Variants in FAT3 observed in about 807,000 individuals in gnomAD.
The protein encoded by FAT3 is FAT atypical cadherin 3, also known as protocadherin Fat 3.
In FAT3, 95 loss-of-function variants were observed where a neutral mutation model predicts 310.2. The ratio of observed to expected loss-of-function variants is 0.31; its 90% CI spans 0.26 to 0.36. The LOEUF is 0.36. Among genes scored for constraint, FAT3 ranks in the 10% least tolerant of loss-of-function variants. The pLI, the probability that FAT3 is intolerant of heterozygous loss-of-function variation, is 1.00. For missense variants in FAT3, 5,408 were observed against 5,715.6 expected (o/e 0.95, Z 1.74); for synonymous variants, 2,314 against 2,192.9 (o/e 1.06, Z -1.54).
intron 7 of FAT3, among the ~76,000 whole-genome samples, chr11:92,781,075 C>CTT (rs10649331): frequency 0.034 from 4,094 of 121,928 alleles, 285 homozygotes; most frequent in African/African-American, 0.11. Flanking sequence ...TTTCTTTATT[C>CTT]TTTTTTTTTT....
At chr11:92,819,250 A>G (rs1947899220) in intron 13 of FAT3, among the ~76,000 whole-genome samples, 1 of 152,144 alleles carries the variant, frequency 6.6e-6, no homozygotes. Flanking sequence ...GGTACTCAAA[A>G]AGTCTGGACC....
At position 92,859,255 on chromosome 11, in the gene FAT3, G is replaced by A. The variant is rs372126226; in HGVS notation, c.11591G>A (p.Arg3864His). ...SKEEDFKLAL[R>H]LRTLQSNGII... ...GAAGAGGATTTCAAACTAGCTCTGC[G>A]TCTTCGAACACTGCAAAGCAATGGG... The change falls in exon 21 of 28, where the codon CGT (arginine) becomes CAT (histidine). Residue 3864 changes from arginine (R) to histidine (H), a missense_variant. Physicochemically the swap from Arg to His is conservative, Grantham distance 29. Around this residue, in one of 5 missense-constraint regions of FAT3, gnomAD observed 4,588 missense variants for 4,809.8 expected, o/e 0.95. Coordinates refer to ENST00000525166, the MANE Select transcript of FAT3 (RefSeq NM_001367949.2). 8.4e-5 allele frequency: 136 copies of A among 1,613,578 alleles called. No homozygotes were observed. The highest frequency in any genetic ancestry group is 1.6e-4 in the Middle Eastern group (1 of 6,084).
intron 2 of FAT3, among the ~76,000 whole-genome samples, chr11:92,423,863 G>A (rs537338622): frequency 1.3e-5 from 2 of 152,178 alleles, no homozygotes; most frequent in East Asian, 1.9e-4. Flanking sequence ...AGGCCCACCT[G>A]CATTTTGAAA....
chr11:92,234,619 A>G (rs138282380), intron 1 of FAT3, among the ~76,000 whole-genome samples: 18 of 151,826 alleles, frequency 1.2e-4, no homozygotes, highest in African/African-American at 4.1e-4. Flanking sequence ...AAAATACAAA[A>G]ATTGCCAGGC....
At chr11:92,844,969 A>G (rs1318105018) in intron 19 of FAT3, among the ~76,000 whole-genome samples, 2 of 152,232 alleles carry the variant, frequency 1.3e-5, no homozygotes, top group East Asian at 3.9e-4. Flanking sequence ...ACATATTGTC[A>G]AGAAACATAC....
rs777889655 is a variant in FAT3 at position 92,896,060 on chromosome 11, C to T, written c.*4947C>T. The T allele has an allele frequency of 1.3e-5, 2 of 152,026 alleles. No individual in the cohort carries two copies. Among genetic ancestry groups the T allele is most frequent in the Non-Finnish European group, 2.9e-5 (2 of 67,988 alleles). The allele number at this position is 152,026 out of a possible 1,614,324, so 9.4% of individuals were successfully genotyped here. ...TTTCAAGAAAAATTGTCTTTATTGA[C>T]ATTTGTAAAAAAGAATGTGTTTTGC... On this transcript the variant is annotated 3_prime_UTR_variant, in exon 28 of 28. Coordinates refer to ENST00000525166, the MANE Select transcript of FAT3 (RefSeq NM_001367949.2).
At chr11:92,244,474 G>A (rs954516309) in intron 1 of FAT3, among the ~76,000 whole-genome samples, 1 of 152,096 alleles carries the variant, frequency 6.6e-6, no homozygotes, top group Non-Finnish European at 1.5e-5. Flanking sequence ...TTTGCTGAAT[G>A]ACTAAAAGAG....
intron 3 of FAT3, among the ~76,000 whole-genome samples, chr11:92,537,542 C>T (rs1165470161): frequency 6.6e-6 from 1 of 152,088 alleles, no homozygotes; most frequent in Non-Finnish European, 1.5e-5. Flanking sequence ...CCAGGATTCT[C>T]TCTTCCAGGA....
At chr11:92,313,045 C>A (rs1947350978) in intron 1 of FAT3, among the ~76,000 whole-genome samples, 1 of 152,166 alleles carries the variant, frequency 6.6e-6, no homozygotes, top group Non-Finnish European at 1.5e-5. Flanking sequence ...AAATTTTAAT[C>A]TTTATGACTA....
chr11:92,416,394 A>AAAG (rs1555039707), intron 2 of FAT3, among the ~76,000 whole-genome samples: 1 of 151,500 alleles, frequency 6.6e-6, no homozygotes, highest in Admixed American at 6.6e-5. Context: ...AAAAAAAAAA[A>AAAG]AAAGAAAGAA....
chr11:92,568,363 A>G (rs1476125305), intron 3 of FAT3, among the ~76,000 whole-genome samples: 2 of 149,678 alleles, frequency 1.3e-5, no homozygotes, highest in African/African-American at 4.9e-5. Flanking sequence ...CAATATTTGT[A>G]GTATCCCGAT....
At chr11:92,231,206 A>G (rs1265728160) in intron 1 of FAT3, among the ~76,000 whole-genome samples, 1 of 152,084 alleles carries the variant, frequency 6.6e-6, no homozygotes, top group Non-Finnish European at 1.5e-5. Flanking sequence ...CTGTTTTCCT[A>G]TGTTTGAGAC....
At chr11:92,307,902 C>T (rs532886186) in intron 1 of FAT3, among the ~76,000 whole-genome samples, 77 of 152,220 alleles carry the variant, frequency 5.1e-4, no homozygotes, top group African/African-American at 1.8e-3. Context: ...AATTAGTAAT[C>T]TCTTTCTTTA....
At chr11:92,856,572 A>C (rs963858565) in intron 19 of FAT3, among the ~76,000 whole-genome samples, 1 of 152,200 alleles carries the variant, frequency 6.6e-6, no homozygotes, top group African/African-American at 2.4e-5. Context: ...AACATCGAAC[A>C]GGTAGAAGGG....
At chr11:92,554,489 A>T (rs1954943436) in intron 3 of FAT3, among the ~76,000 whole-genome samples, 1 of 122,286 alleles carries the variant, frequency 8.2e-6, no homozygotes, top group Admixed American at 8.9e-5. Context: ...AAAAAAAAAA[A>T]AAAAAAAAAG....
chr11:92,694,992 A>G (rs1432734224), intron 3 of FAT3, among the ~76,000 whole-genome samples: 1 of 152,188 alleles, frequency 6.6e-6, no homozygotes, highest in Non-Finnish European at 1.5e-5. Context: ...GTGACCACAC[A>G]GACCCTCTGT....
At chr11:92,665,178 A>T (rs931582585) in intron 3 of FAT3, among the ~76,000 whole-genome samples, 1 of 152,178 alleles carries the variant, frequency 6.6e-6, no homozygotes, top group Non-Finnish European at 1.5e-5. Context: ...AAAAATAAAG[A>T]TTCCTTCAGA....
At chr11:92,674,004 A>G (rs1683428593) in intron 3 of FAT3, among the ~76,000 whole-genome samples, 1 of 151,968 alleles carries the variant, frequency 6.6e-6, no homozygotes, top group Non-Finnish European at 1.5e-5. Context: ...AACATGGTGA[A>G]ACCATGTTTC....
intron 2 of FAT3, among the ~76,000 whole-genome samples, chr11:92,383,549 G>C (rs1382789377): frequency 6.6e-6 from 1 of 152,208 alleles, no homozygotes; most frequent in Non-Finnish European, 1.5e-5. Context: ...CCTAATCCCA[G>C]CCATTAGGAA....
Sources: gnomAD v4.1 joint callset for allele counts (sites outside exome capture counted in the v4.1 genomes callset) on GRCh38, gnomAD v4.1.1 for gene constraint, gnomAD v4.1.1 regional missense constraint, MANE v1.5 for transcripts, NCBI Gene and HGNC (gene_info 2026-07-23, HGNC 2026-07-21) for gene names.